FILIP1L: variants seen among roughly 807,000 people sequenced by gnomAD.
The protein encoded by FILIP1L is filamin A-interacting protein 1-like.
A neutral mutation model predicts 96.6 loss-of-function variants in FILIP1L; 55 were observed. The observed-to-expected ratio is 0.57, with a 90% confidence interval of 0.46 to 0.71. FILIP1L has a LOEUF of 0.71. FILIP1L is among the 30% of genes least tolerant of loss of function. The pLI, the probability that FILIP1L is intolerant of heterozygous loss-of-function variation, is 0.00. For missense variants in FILIP1L, 1,304 were observed against 1,321.2 expected (o/e 0.99, Z 0.20); for synonymous variants, 467 against 473.9 (o/e 0.99, Z 0.19).
chr3:99,944,099 G>A (rs770240493), intron 1 of FILIP1L, among the ~76,000 whole-genome samples: 8 of 152,160 alleles, frequency 5.3e-5, no homozygotes, highest in Non-Finnish European at 1.2e-4. Flanking sequence ...ATAACTAGTG[G>A]ATTTTTAGCA....
chr3:99,880,738 G>A (rs1320559355), intron 4 of FILIP1L, among the ~76,000 whole-genome samples: 2 of 151,958 alleles, frequency 1.3e-5, no homozygotes, highest in Non-Finnish European at 1.5e-5. Context: ...TTTGGAAAAT[G>A]CATAAAAGTA....
intron 1 of FILIP1L, among the ~76,000 whole-genome samples, chr3:99,988,703 T>C (rs1709426262): frequency 6.6e-6 from 1 of 152,340 alleles, no homozygotes; most frequent in Admixed American, 6.5e-5. Flanking sequence ...CCCTTTCTAT[T>C]TGTTTCCTTT....
chr3:99,863,817 T>C (rs1944378023), intron 4 of FILIP1L, among the ~76,000 whole-genome samples: 1 of 152,204 alleles, frequency 6.6e-6, no homozygotes, highest in South Asian at 2.1e-4. Context: ...TTGTAGAGTT[T>C]CTTTATGAGT....
chr3:100,005,086 C>T (rs929332411), intron 1 of FILIP1L, among the ~76,000 whole-genome samples: 6 of 152,204 alleles, frequency 3.9e-5, no homozygotes, highest in Non-Finnish European at 8.8e-5. Flanking sequence ...AAAGGTTCAA[C>T]TCTTATGAAT....
At chr3:99,903,532 G>A (rs1706511568) in intron 4 of FILIP1L, among the ~76,000 whole-genome samples, 2 of 152,150 alleles carry the variant, frequency 1.3e-5, no homozygotes, top group African/African-American at 4.8e-5. Flanking sequence ...TTACAGGCGT[G>A]AGCCACCGCG....
At chr3:100,051,226 T>A (rs1453644961) in intron 1 of FILIP1L, 1 of 152,122 alleles carries the variant, frequency 6.6e-6, no homozygotes, top group Non-Finnish European at 1.5e-5. Flanking sequence ...TTCTGTTTTG[T>A]TACAGGTTTT....
At chr3:99,997,721 C>G (rs968387333) in intron 1 of FILIP1L, among the ~76,000 whole-genome samples, 1 of 152,122 alleles carries the variant, frequency 6.6e-6, no homozygotes, top group South Asian at 2.1e-4. Context: ...TAGTTTAAAA[C>G]TTTGTACACA....
chr3:100,000,440 A>C (rs749738990), intron 1 of FILIP1L, among the ~76,000 whole-genome samples: 10 of 152,216 alleles, frequency 6.6e-5, no homozygotes, highest in African/African-American at 1.4e-4. Flanking sequence ...CTGTAGATCT[A>C]GTAATATGTG....
chr3:100,066,027 C>G (rs1269948695), intron 1 of FILIP1L, among the ~76,000 whole-genome samples: 1 of 152,204 alleles, frequency 6.6e-6, no homozygotes, highest in African/African-American at 2.4e-5. Context: ...CCAGATTATT[C>G]TAATGCACAT....
chr3:99,859,270 A>T (rs793446), intron 4 of FILIP1L, among the ~76,000 whole-genome samples: 84,658 of 151,982 alleles, frequency 0.56, 24,049 homozygotes, highest in East Asian at 0.72. Flanking sequence ...GCTATTTGTC[A>T]GTTCTTTTTT....
rs779947478 is a variant in FILIP1L, at chr3:99,849,105, A to T, written c.2571T>A (p.Val857=). The T allele has an allele frequency of 1.9e-5, 31 of 1,614,048 alleles. No individual in the cohort carries two copies. Among genetic ancestry groups the T allele is most frequent in the Admixed American group, 8.3e-5 (5 of 60,000 alleles). ...FKCSQSTPCP[V]NRKLWIPWMK... ...TCCAGGGAATCCATAGCTTTCTGTT[A>T]ACAGGACATGGAGTAGACTGGCTGC... The change falls in exon 5 of 6, where the codon GTT becomes GTA. Residue 857 remains valine (V), a synonymous_variant. Coordinates refer to ENST00000477258, the MANE Select transcript of FILIP1L (RefSeq NM_001387850.1).
chr3:99,966,308 C>A (rs1442678337), intron 1 of FILIP1L, among the ~76,000 whole-genome samples: 1 of 152,148 alleles, frequency 6.6e-6, no homozygotes, highest in East Asian at 1.9e-4. Flanking sequence ...GCAAAGCAGC[C>A]TCCACCACCA....
chr3:100,059,561 G>A (rs1401279625), intron 1 of FILIP1L, among the ~76,000 whole-genome samples: 1 of 152,196 alleles, frequency 6.6e-6, no homozygotes, highest in Non-Finnish European at 1.5e-5. Flanking sequence ...GGTAGAGGGT[G>A]TAGTTCAGAG....
At chr3:99,924,431 C>A (rs772293178) in intron 3 of FILIP1L, 23 bp from the exon 4 acceptor site, 3 of 1,606,642 alleles carry the variant, frequency 1.9e-6, no homozygotes, top group Admixed American at 3.4e-5. Flanking sequence ...ACATTTATAG[C>A]CTGTTACCAA....
chr3:99,999,385 G>T (rs1709777371), intron 1 of FILIP1L, among the ~76,000 whole-genome samples: 2 of 152,310 alleles, frequency 1.3e-5, no homozygotes, highest in South Asian at 2.1e-4. Context: ...GAGTTGGTGT[G>T]CAATAGTAGT....
At chr3:99,891,097 C>A (rs1387855210) in intron 4 of FILIP1L, among the ~76,000 whole-genome samples, 1 of 151,138 alleles carries the variant, frequency 6.6e-6, no homozygotes, top group Non-Finnish European at 1.5e-5. Flanking sequence ...TATGAATCTG[C>A]AAATTCTCGT....
At chr3:100,035,645 A>G (rs1472834940) in intron 1 of FILIP1L, among the ~76,000 whole-genome samples, 2 of 152,202 alleles carry the variant, frequency 1.3e-5, no homozygotes, top group Non-Finnish European at 2.9e-5. Context: ...CAAACTGTTA[A>G]AGAAATTGAA....
At chr3:99,916,644 G>A (rs551632921) in intron 4 of FILIP1L, among the ~76,000 whole-genome samples, 5 of 152,192 alleles carry the variant, frequency 3.3e-5, no homozygotes, top group South Asian at 2.1e-4. Context: ...ATGGTGAATC[G>A]GAGACTTAAC....
chr3:100,059,623 C>T (rs878928668), intron 1 of FILIP1L, among the ~76,000 whole-genome samples: 4 of 152,048 alleles, frequency 2.6e-5, no homozygotes, highest in South Asian at 2.1e-4. Flanking sequence ...AGCCAGAAGG[C>T]GGGGGCCAAG....
Sources: gnomAD v4.1 joint callset for allele counts (sites outside exome capture counted in the v4.1 genomes callset) on GRCh38, gnomAD v4.1.1 for gene constraint, MANE v1.5 for transcripts, NCBI Gene and HGNC (gene_info 2026-07-23, HGNC 2026-07-21) for gene names.